Variants in GAD2 observed in about 807,000 individuals in gnomAD.
The protein encoded by GAD2 is glutamate decarboxylase 2.
A neutral mutation model predicts 80.1 loss-of-function variants in GAD2; 22 were observed. That is an observed-to-expected ratio of 0.27 (90% CI 0.20 to 0.39). GAD2 has a LOEUF of 0.39. Among genes scored for constraint, GAD2 ranks in the 10% least tolerant of loss-of-function variants. The pLI is 1.00. For synonymous variants in GAD2, 274 were observed against 256.9 expected, an observed-to-expected ratio of 1.07 and a Z score of -0.64; for missense variants, 624 against 738.4, an observed-to-expected ratio of 0.85 and a Z score of 1.80.
intron 8 of GAD2, among the ~76,000 whole-genome samples, chr10:26,258,899 T>C (rs1240021017): frequency 4.6e-5 from 7 of 152,048 alleles, no homozygotes; most frequent in East Asian, 3.9e-4. Context: ...CTGCAACTTT[T>C]GCCTTCCAGG....
At chr10:26,299,658 T>C (rs1834309283) in intron 15 of GAD2, among the ~76,000 whole-genome samples, 1 of 152,210 alleles carries the variant, frequency 6.6e-6, no homozygotes, top group Non-Finnish European at 1.5e-5. Context: ...GTGTCTGCCC[T>C]CCAGGACCTG....
At chr10:26,247,752 C>G (rs193223029) in intron 8 of GAD2, among the ~76,000 whole-genome samples, 1 of 151,412 alleles carries the variant, frequency 6.6e-6, no homozygotes, top group African/African-American at 2.4e-5. Flanking sequence ...AAAAATTAGC[C>G]GGGGGTGGTG....
At position 26,303,480 on chromosome 10, in the gene GAD2, G is replaced by GAGGGAGGGCGGAAGGA. The variant is rs1564315383; in HGVS notation, c.*2522_*2523insGAGGGCGGAAGGAAGG. The stretch of plus-strand genomic sequence containing the variant: ...GGAGGGAGGGAGGGAAGGAGGGAGG[G>GAGGGAGGGCGGAAGGA]AGGAAGGAAATGAAGGGAGGGAGGG... On this transcript the variant is annotated 3_prime_UTR_variant, in exon 16 of 16. Transcript: ENST00000376261. The GAGGGAGGGCGGAAGGA allele has an allele frequency of 8.1e-6, 1 of 123,316 alleles. No homozygotes were observed. Among genetic ancestry groups the GAGGGAGGGCGGAAGGA allele is most frequent in the African/African-American group, 3.0e-5 (1 of 33,166 alleles). The allele number at this position is 123,316 out of a possible 1,614,324, so 7.6% of individuals were successfully genotyped here.
At chr10:26,226,586 C>T (rs7081084) in intron 6 of GAD2, among the ~76,000 whole-genome samples, 19,150 of 152,178 alleles carry the variant, frequency 0.13, 4,013 homozygotes, top group African/African-American at 0.43. Flanking sequence ...ATGCTATTCC[C>T]GGGAGCAACC....
At position 26,302,258 on chromosome 10, in the gene GAD2, TG is replaced by T. The variant is rs1222523400; in HGVS notation, c.*1299del. 2 of 152,008 alleles carry T rather than the reference TG, an allele frequency of 1.3e-5. No individual in the cohort carries two copies. The highest frequency in any genetic ancestry group is 1.3e-4 in the Admixed American group (2 of 15,246). 9.4% of individuals were successfully genotyped at this position (152,008 alleles called of 1,614,324 possible). A position where few individuals can be genotyped will look rare whatever the true frequency, so the allele number is the denominator to read the frequency against. ...AAATAGTTACTTTATATTCCATGGGTGGTTGTTTTTCTTCCATGAAATGAGC... is the reference window on the plus strand; with the variant it reads ...AAATAGTTACTTTATATTCCATGGGTGTTGTTTTTCTTCCATGAAATGAGC... On this transcript the variant is annotated 3_prime_UTR_variant, in exon 16 of 16. Transcript: ENST00000376261.
At chr10:26,274,880 C>T (rs556060742) in intron 11 of GAD2, among the ~76,000 whole-genome samples, 31 of 152,330 alleles carry the variant, frequency 2.0e-4, no homozygotes, top group African/African-American at 7.2e-4. Flanking sequence ...GTCACTGTCC[C>T]TGAGTCTGAT....
intron 12 of GAD2, among the ~76,000 whole-genome samples, chr10:26,282,578 T>C (rs1845283432): frequency 6.6e-6 from 1 of 152,178 alleles, no homozygotes; most frequent in Non-Finnish European, 1.5e-5. Context: ...TTTAATGGCC[T>C]CATATTATTC....
chr10:26,248,404 A>T (rs147625524), intron 8 of GAD2, among the ~76,000 whole-genome samples: 3 of 152,338 alleles, frequency 2.0e-5, no homozygotes, highest in Non-Finnish European at 4.4e-5. Flanking sequence ...GAGCAAAGAA[A>T]GGTGGTCAGA....
At chr10:26,282,943 A>G (rs898890164) in intron 12 of GAD2, among the ~76,000 whole-genome samples, 2 of 152,204 alleles carry the variant, frequency 1.3e-5, no homozygotes, top group African/African-American at 4.8e-5. Context: ...CCAATGTATT[A>G]TCATCTGCCC....
chr10:26,288,900 C>T (rs1428406135), intron 13 of GAD2, among the ~76,000 whole-genome samples: 1 of 152,060 alleles, frequency 6.6e-6, no homozygotes, highest in Non-Finnish European at 1.5e-5. Flanking sequence ...AACAGCAGGA[C>T]CAGATGAAGC....
At chr10:26,273,974 G>A (rs1414218780) in intron 11 of GAD2, among the ~76,000 whole-genome samples, 1 of 151,982 alleles carries the variant, frequency 6.6e-6, no homozygotes, top group Admixed American at 6.6e-5. Flanking sequence ...TCCTGTCTAG[G>A]GTCTATTCCT....
intron 8 of GAD2, among the ~76,000 whole-genome samples, chr10:26,264,714 G>A (rs182593383): frequency 2.6e-5 from 4 of 152,338 alleles, no homozygotes; most frequent in Admixed American, 2.6e-4. Context: ...GGGAGGAGGA[G>A]CAGGGATCGC....
chr10:26,237,215 G>A (rs558903604), intron 7 of GAD2, among the ~76,000 whole-genome samples: 111 of 152,294 alleles, frequency 7.3e-4, no homozygotes, highest in African/African-American at 2.5e-3. Flanking sequence ...TCCCATCCAC[G>A]CCAGGTGACG....
At chr10:26,294,288 G>A (rs1353722431) in intron 15 of GAD2, among the ~76,000 whole-genome samples, 3 of 152,158 alleles carry the variant, frequency 2.0e-5, no homozygotes, top group Non-Finnish European at 2.9e-5. Context: ...TTCCTTCTAC[G>A]TAAAATGAAG....
intron 7 of GAD2, among the ~76,000 whole-genome samples, chr10:26,230,335 A>C (rs900162912): frequency 6.6e-6 from 1 of 152,002 alleles, no homozygotes; most frequent in Non-Finnish European, 1.5e-5. Context: ...TGTAAGCAAA[A>C]CTCCAGAGGA....
At chr10:26,239,107 C>T (rs1488535274) in intron 7 of GAD2, among the ~76,000 whole-genome samples, 2 of 152,140 alleles carry the variant, frequency 1.3e-5, no homozygotes, top group Non-Finnish European at 2.9e-5. Flanking sequence ...CCCCACACAC[C>T]CACTAATTCC....
chr10:26,299,139 T>G (rs1462952396), intron 15 of GAD2, among the ~76,000 whole-genome samples: 1 of 152,212 alleles, frequency 6.6e-6, no homozygotes, highest in Non-Finnish European at 1.5e-5. Flanking sequence ...GAAGGTGAAG[T>G]CTACCTGTTG....
chr10:26,260,347 C>T (rs1352620936), intron 8 of GAD2, among the ~76,000 whole-genome samples: 1 of 151,942 alleles, frequency 6.6e-6, no homozygotes, highest in African/African-American at 2.4e-5. Flanking sequence ...AAATAACTTC[C>T]GGCTGGGTAC....
intron 6 of GAD2, among the ~76,000 whole-genome samples, chr10:26,228,616 G>A (rs1410394291): frequency 2.0e-5 from 3 of 152,266 alleles, no homozygotes; most frequent in Non-Finnish European, 2.9e-5. Context: ...AGGGGCAAGC[G>A]AGCATTACCG....
Sources: allele counts gnomAD v4.1 joint callset (sites outside exome capture counted in the v4.1 genomes callset), GRCh38; gene constraint gnomAD v4.1.1; transcripts MANE v1.5; gene names NCBI Gene and HGNC (gene_info 2026-07-23, HGNC 2026-07-21).